XPR1: variants seen among roughly 807,000 people sequenced by gnomAD.
The protein encoded by XPR1 is xenotropic and polytropic retrovirus receptor 1.
A neutral mutation model predicts 87.5 loss-of-function variants in XPR1; 28 were observed. The observed-to-expected ratio is 0.32, with a 90% CI of 0.24 to 0.44. XPR1 has a LOEUF of 0.44. Among genes scored for constraint, XPR1 ranks in the 20% least tolerant of loss-of-function variants. The pLI is 1.00. For missense variants in XPR1, 559 were observed against 862.3 expected (o/e 0.65, Z 4.41); for synonymous variants, 300 against 306.1 (o/e 0.98, Z 0.21).
In XPR1 at chr1:180,824,588, ATAGG is replaced by A. The variant is rs113460507; in HGVS notation, c.764-161_764-158del. 7.8e-3 allele frequency among the ~76,000 whole-genome samples: 1,182 copies of A among 152,178 alleles called. 12 individuals are homozygous for A. Among genetic ancestry groups the A allele is most frequent in the African/African-American group, 0.026 (1,079 of 41,490 alleles). On this transcript the variant is annotated intron_variant, in intron 7 of 14. Transcript: ENST00000367590. ...GGGTGAGACTGTCTCAAAAAAATAA[ATAGG>A]TAGATAGATAGATAGATAGATGATA... is the stretch of plus-strand genomic sequence containing the variant.
intron 6 of XPR1, among the ~76,000 whole-genome samples, chr1:180,807,508 A>G (rs1402930598): frequency 1.3e-5 from 2 of 152,210 alleles, no homozygotes; most frequent in Non-Finnish European, 2.9e-5. Flanking sequence ...AAAGATGTGT[A>G]AGGCCTTTAC....
chr1:180,793,834 C>T (rs1361521554), intron 3 of XPR1, among the ~76,000 whole-genome samples: 4 of 152,052 alleles, frequency 2.6e-5, no homozygotes, highest in South Asian at 2.1e-4. Context: ...GAAAACCACC[C>T]TCATTTTCTT....
intron 12 of XPR1, among the ~76,000 whole-genome samples, chr1:180,873,014 A>T (rs1652551750): frequency 6.6e-6 from 1 of 151,870 alleles, no homozygotes; most frequent in African/African-American, 2.4e-5. Flanking sequence ...TTGTTTAAAA[A>T]TTTTTTAAGT....
intron 12 of XPR1, among the ~76,000 whole-genome samples, chr1:180,866,217 A>C (rs1225883934): frequency 2.1e-5 from 3 of 140,088 alleles, no homozygotes; most frequent in East Asian, 1.9e-4. Flanking sequence ...GTCTTAAAAA[A>C]AAAAACAAAA....
chr1:180,824,566 T>G (rs1161508908), intron 7 of XPR1, among the ~76,000 whole-genome samples, 187 bp from the exon 8 acceptor site: 2 of 151,922 alleles, frequency 1.3e-5, no homozygotes, highest in Non-Finnish European at 2.9e-5. Context: ...GGCAACAGGG[T>G]GAGACTGTCT....
Position 180,832,998 on chromosome 1 carries a change from A to C in XPR1, c.1135-1876A>C, listed in dbSNP as rs545036607. ...TTGATTCTTCCTATCCATGAGCATG[A>C]GTGTTTTCCCATTTGTTTGTATCCT... On this transcript the variant is annotated intron_variant, in intron 9 of 14. Transcript: ENST00000367590. Among the ~76,000 whole-genome samples, 105 of 152,248 alleles carry C rather than the reference A, an allele frequency of 6.9e-4. 3 individuals are homozygous for C. Among genetic ancestry groups the C allele is most frequent in the Middle Eastern group, 6.8e-3 (2 of 294 alleles).
chr1:180,814,137 A>G (rs1319176137), intron 7 of XPR1, among the ~76,000 whole-genome samples: 1 of 152,206 alleles, frequency 6.6e-6, no homozygotes, highest in Non-Finnish European at 1.5e-5. Context: ...AAGACTATCA[A>G]TTGTATATTA....
intron 1 of XPR1, among the ~76,000 whole-genome samples, chr1:180,680,908 A>G (rs1193642088): frequency 6.6e-6 from 1 of 152,250 alleles, no homozygotes; most frequent in African/African-American, 2.4e-5. Context: ...CATTTGTGAC[A>G]ACATGAATGG....
rs1402789151 is a variant in XPR1 at position 180,888,561 on chromosome 1, C to T, written c.*4495C>T. On this transcript the variant is annotated 3_prime_UTR_variant, in exon 15 of 15. Transcript: ENST00000367590. Reference sequence around the variant, plus strand: ...AGTGACCAGGTGAAGACAATTGAAGCTTTGGTAGAACTTCTGCAAAAGTTA... The same window carrying T: ...AGTGACCAGGTGAAGACAATTGAAGTTTTGGTAGAACTTCTGCAAAAGTTA... The T allele has an allele frequency of 6.6e-6, 1 of 151,790 alleles. No individual in the cohort carries two copies. The highest frequency in any genetic ancestry group is 1.5e-5 in the Non-Finnish European group (1 of 67,954). The allele number at this position is 151,790 out of a possible 1,614,324, so 9.4% of individuals were successfully genotyped here. A position where few individuals can be genotyped will look rare whatever the true frequency, so the allele number is the denominator to read the frequency against.
chr1:180,670,845 A>G (rs1399462693), intron 1 of XPR1, among the ~76,000 whole-genome samples: 3 of 152,146 alleles, frequency 2.0e-5, no homozygotes, highest in South Asian at 4.1e-4. Flanking sequence ...TTCTCCCTCA[A>G]TTTTGAAGGA....
chr1:180,677,437 T>G (rs73051223), intron 1 of XPR1, among the ~76,000 whole-genome samples: 2,555 of 152,174 alleles, frequency 0.017, 80 homozygotes, highest in African/African-American at 0.056. Flanking sequence ...GATAAAATCA[T>G]AGAGAGTCAA....
chr1:180,662,328 A>G (rs1457527628), intron 1 of XPR1, among the ~76,000 whole-genome samples: 1 of 152,198 alleles, frequency 6.6e-6, no homozygotes, highest in Non-Finnish European at 1.5e-5. Flanking sequence ...CAGATGAAAT[A>G]ATCAGCTTTT....
At chr1:180,777,030 C>T (rs1383876117) in intron 2 of XPR1, among the ~76,000 whole-genome samples, 1 of 152,062 alleles carries the variant, frequency 6.6e-6, no homozygotes, top group Non-Finnish European at 1.5e-5. Flanking sequence ...TAGAAATTTG[C>T]AATTAGGAAA....
chr1:180,789,716 G>A (rs945583864), intron 3 of XPR1, among the ~76,000 whole-genome samples: 4 of 151,894 alleles, frequency 2.6e-5, no homozygotes, highest in Admixed American at 6.6e-5. Context: ...ACCACACCCA[G>A]CCAGAATTAT....
At chr1:180,858,089 G>A (rs1652096218) in intron 11 of XPR1, among the ~76,000 whole-genome samples, 1 of 152,136 alleles carries the variant, frequency 6.6e-6, no homozygotes, top group Non-Finnish European at 1.5e-5. Context: ...GGTGGCGCAT[G>A]CCTGCAGTCC....
At chr1:180,752,615 T>G (rs771331857) in intron 2 of XPR1, among the ~76,000 whole-genome samples, 1 of 152,196 alleles carries the variant, frequency 6.6e-6, no homozygotes, top group Non-Finnish European at 1.5e-5. Context: ...GCCATACATC[T>G]TGTTTGGGGT....
intron 9 of XPR1, among the ~76,000 whole-genome samples, chr1:180,826,386 A>G (rs1053801490): frequency 1.3e-5 from 2 of 152,066 alleles, no homozygotes; most frequent in Non-Finnish European, 2.9e-5. Context: ...CCCTGTTTAC[A>G]AAAATTAAAA....
rs188386515 is a variant in XPR1, at chr1:180,759,962, C to T, written c.122-27791C>T. ...CTGGGATGCAAGGCTGTTCAACATA[C>T]GCAAATCAATAAATGTAATCCAGCA... On this transcript the variant is annotated intron_variant, in intron 2 of 14. Transcript: ENST00000367590. 4.3e-3 allele frequency among the ~76,000 whole-genome samples: 656 copies of T among 152,260 alleles called. 4 individuals are homozygous for T. The highest frequency in any genetic ancestry group is 4.2e-3 in the Non-Finnish European group (286 of 68,026).
chr1:180,779,236 C>T (rs1648844213), intron 2 of XPR1, among the ~76,000 whole-genome samples: 1 of 152,130 alleles, frequency 6.6e-6, no homozygotes, highest in African/African-American at 2.4e-5. Context: ...TATTTGTTGT[C>T]TTCATTCACT....
Sources: allele counts gnomAD v4.1 joint callset (sites outside exome capture counted in the v4.1 genomes callset), GRCh38; gene constraint gnomAD v4.1.1; transcripts MANE v1.5; gene names NCBI Gene and HGNC (gene_info 2026-07-23, HGNC 2026-07-21).